The following RAB27B variants were observed in gnomAD, a reference collection of about 807,000 sequenced individuals.
The protein encoded by RAB27B is ras-related protein Rab-27B.
In RAB27B, 15 loss-of-function variants were observed where a neutral mutation model predicts 24.6. That is an observed-to-expected ratio of 0.61 (90% CI 0.41 to 0.94). The LOEUF (loss-of-function observed/expected upper bound fraction) is 0.94. Ranked by LOEUF, RAB27B falls within the 40% of genes least tolerant of loss-of-function variation. RAB27B has a pLI of 0.00. For synonymous variants in RAB27B, 105 were observed against 92.5 expected (o/e 1.14, Z -0.78); for missense variants, 261 against 266.8 (o/e 0.98, Z 0.15).
chr18:54,855,627 T>C (rs1048565313), intron 1 of RAB27B, among the ~76,000 whole-genome samples: 1 of 152,180 alleles, frequency 6.6e-6, no homozygotes, highest in Admixed American at 6.5e-5. Flanking sequence ...ATATTTTTGC[T>C]GAGCATGGTT....
chr18:54,857,005 C>T (rs117797080), intron 1 of RAB27B, among the ~76,000 whole-genome samples: 3,324 of 152,200 alleles, frequency 0.022, 79 homozygotes, highest in South Asian at 0.09. Flanking sequence ...CCATTTTCTT[C>T]CTTCATTTTC....
At chr18:54,866,578 G>A (rs1412562212) in intron 1 of RAB27B, among the ~76,000 whole-genome samples, 6 of 152,216 alleles carry the variant, frequency 3.9e-5, no homozygotes, top group African/African-American at 1.2e-4. Flanking sequence ...GATTACTGGC[G>A]TGACCCACTG....
chr18:54,855,332 C>T lies in RAB27B; in HGVS notation c.-19-22235C>T, dbSNP rs138425402. Among the ~76,000 whole-genome samples the T allele has an allele frequency of 4.6e-5, 7 of 152,320 alleles. No individual in the cohort carries two copies. In the East Asian group the frequency reaches 1.4e-3, roughly 29 times the overall value. On this transcript the variant is annotated intron_variant, in intron 1 of 5. Coordinates refer to ENST00000262094, the MANE Select transcript of RAB27B (RefSeq NM_004163.4). ...GTGCAGCCCAGTTCCTAACAGGCCA[C>T]TGACCAATGGGACCATGCCAAGGGT... is the stretch of plus-strand genomic sequence containing the variant.
chr18:54,885,218 G>A (rs1199789115), intron 4 of RAB27B, among the ~76,000 whole-genome samples: 1 of 152,140 alleles, frequency 6.6e-6, no homozygotes. Context: ...CAAGTAGCAG[G>A]ACAGCTGAGT....
intron 2 of RAB27B, among the ~76,000 whole-genome samples, chr18:54,807,935 T>C (rs531777530): frequency 6.6e-6 from 1 of 152,296 alleles, no homozygotes; most frequent in African/African-American, 2.4e-5. Context: ...GAATCCATAT[T>C]ACTTGGTCTT....
At chr18:54,771,614 G>A (rs1382024606) in intron 2 of RAB27B, among the ~76,000 whole-genome samples, 1 of 151,040 alleles carries the variant, frequency 6.6e-6, no homozygotes, top group Non-Finnish European at 1.5e-5. Context: ...GTGTGTGTGT[G>A]TGTGTGTGTG....
intron 2 of RAB27B, among the ~76,000 whole-genome samples, chr18:54,752,330 C>T (rs959692782): frequency 2.6e-5 from 4 of 152,054 alleles, no homozygotes; most frequent in Admixed American, 6.6e-5. Context: ...TATTAAAGAC[C>T]GATGAAACAA....
At chr18:54,754,442 T>C (rs1445944672) in intron 2 of RAB27B, among the ~76,000 whole-genome samples, 1 of 152,324 alleles carries the variant, frequency 6.6e-6, no homozygotes, top group East Asian at 1.9e-4. Flanking sequence ...TAAGTTGTTA[T>C]TGTTAGCAGA....
chr18:54,841,097 G>C (rs2145200520), intron 1 of RAB27B, among the ~76,000 whole-genome samples: 1 of 137,902 alleles, frequency 7.3e-6, no homozygotes, highest in African/African-American at 2.6e-5. Flanking sequence ...AGTGAGCTGA[G>C]ATCACATCAT....
At chr18:54,756,772 A>T (rs1908017664) in intron 2 of RAB27B, among the ~76,000 whole-genome samples, 1 of 152,210 alleles carries the variant, frequency 6.6e-6, no homozygotes, top group African/African-American at 2.4e-5. Context: ...AAGGTGACAG[A>T]TACAGGAATA....
At chr18:54,724,816 G>C (rs1376642635) in intron 2 of RAB27B, among the ~76,000 whole-genome samples, 1 of 151,578 alleles carries the variant, frequency 6.6e-6, no homozygotes, top group African/African-American at 2.4e-5. Flanking sequence ...TATCAAGGAG[G>C]TTTTTAAGAG....
chr18:54,770,096 T>G (rs1226123207), intron 2 of RAB27B, among the ~76,000 whole-genome samples: 1 of 152,128 alleles, frequency 6.6e-6, no homozygotes, highest in Non-Finnish European at 1.5e-5. Context: ...CCACCTACCT[T>G]GGCCTCCCAA....
chr18:54,826,143 C>T (rs949932538), upstream of RAB27B, among the ~76,000 whole-genome samples: 1 of 152,194 alleles, frequency 6.6e-6, no homozygotes, highest in African/African-American at 2.4e-5. Flanking sequence ...AGATGAAATA[C>T]ATGTGATAAT....
intron 2 of RAB27B, among the ~76,000 whole-genome samples, chr18:54,720,342 T>C (rs1165617217): frequency 6.6e-6 from 1 of 152,114 alleles, no homozygotes; most frequent in Non-Finnish European, 1.5e-5. Flanking sequence ...GTGTTAAGGT[T>C]GACATTTCTA....
At chr18:54,825,758 T>A (rs1389223198), upstream of RAB27B, among the ~76,000 whole-genome samples, 1 of 152,180 alleles carries the variant, frequency 6.6e-6, no homozygotes, top group African/African-American at 2.4e-5. Context: ...ATGGAGGAAC[T>A]TATGGTTGGT....
chr18:54,733,821 C>A (rs945037980), intron 2 of RAB27B, among the ~76,000 whole-genome samples: 11 of 152,034 alleles, frequency 7.2e-5, no homozygotes, highest in African/African-American at 1.9e-4. Context: ...TATGGCACTC[C>A]AAGTGTAGAT....
intron 2 of RAB27B, among the ~76,000 whole-genome samples, chr18:54,762,107 C>T (rs547644083): frequency 3.3e-5 from 5 of 152,280 alleles, no homozygotes; most frequent in South Asian, 2.1e-4. Context: ...AAATTGGCAG[C>T]GTAAGATAGA....
intron 1 of RAB27B, among the ~76,000 whole-genome samples, chr18:54,872,686 C>G (rs955194599): frequency 6.6e-6 from 1 of 150,978 alleles, no homozygotes; most frequent in Non-Finnish European, 1.5e-5. Context: ...GAAAGCAATA[C>G]AGTGAGTCTT....
intron 2 of RAB27B, among the ~76,000 whole-genome samples, chr18:54,739,153 A>T (rs1346621784): frequency 6.6e-6 from 1 of 152,168 alleles, no homozygotes; most frequent in Non-Finnish European, 1.5e-5. Context: ...GTATTCCACC[A>T]TATAGAAATA....
Sources: gnomAD v4.1 joint callset for allele counts (sites outside exome capture counted in the v4.1 genomes callset) on GRCh38, gnomAD v4.1.1 for gene constraint, MANE v1.5 for transcripts, NCBI Gene and HGNC (gene_info 2026-07-23, HGNC 2026-07-21) for gene names.